SEPTIN8: variants seen among roughly 807,000 people sequenced by gnomAD.
SEPTIN8 encodes septin-8.
Under a neutral mutation model 53.1 loss-of-function variants are expected in SEPTIN8, and 22 were observed. The observed-to-expected ratio is 0.41, with a 90% CI of 0.30 to 0.59. The LOEUF (loss-of-function observed/expected upper bound fraction) is 0.59, where lower values mean the gene tolerates loss of function less well. Among genes scored for constraint, SEPTIN8 ranks in the 20% least tolerant of loss-of-function variants. SEPTIN8 has a pLI of 0.24. For synonymous variants in SEPTIN8, 228 were observed against 248.4 expected (o/e 0.92, Z 0.77); for missense variants, 536 against 638.7 (o/e 0.84, Z 1.73).
chr5:132,776,707 C>T lies in SEPTIN8; in HGVS notation c.30+401G>A, dbSNP rs987363593. Among the ~76,000 whole-genome samples, 1 of 152,202 alleles carries T rather than the reference C, an allele frequency of 6.6e-6. No individual in the cohort carries two copies. Among genetic ancestry groups the T allele is most frequent in the Non-Finnish European group, 1.5e-5 (1 of 68,024 alleles). ...CCCCGGCTGTACCTATCCCGCAGCACCTGTGCGGCTAGGACTCTTCCCCAA... is the reference window on the plus strand; with the variant it reads ...CCCCGGCTGTACCTATCCCGCAGCATCTGTGCGGCTAGGACTCTTCCCCAA... On this transcript the variant is annotated intron_variant, in intron 1 of 9. Coordinates refer to ENST00000378719, the MANE Select transcript of SEPTIN8 (RefSeq NM_001098811.2). This position sits in a 1 kb window ranked among gnomAD's most constrained non-coding sequence, Gnocchi z 4.4.
At chr5:132,766,124 T>G (rs1169292120) in intron 1 of SEPTIN8, among the ~76,000 whole-genome samples, 1 of 152,196 alleles carries the variant, frequency 6.6e-6, no homozygotes, top group African/African-American at 2.4e-5. Flanking sequence ...GTGGGACTCA[T>G]GCATGGACCC....
chr5:132,752,152 C>T lies in SEPTIN8; in HGVS notation c.1316G>A (p.Gly439Asp), dbSNP rs1384341209. ...NRSDIGAHQP[G>D]MSLSSSKVMM... The stretch of plus-strand genomic sequence containing the variant: ...CACCTTAGAGCTGGAGAGGCTCATG[C>T]CCGGCTGGTGTGCTCCTATATCTGA... The change falls in exon 10 of 10, where the codon GGC becomes GAC. Residue 439 changes from glycine to aspartate, a missense_variant. By Grantham distance (94) the Gly-to-Asp change is moderately conservative. Coordinates refer to ENST00000378719, the MANE Select transcript of SEPTIN8 (RefSeq NM_001098811.2). 5 of 1,593,170 alleles carry T rather than the reference C, an allele frequency of 3.1e-6. No homozygotes were observed. Among genetic ancestry groups the T allele is most frequent in the South Asian group, 1.1e-5 (1 of 87,566 alleles).
At chr5:132,772,661 G>A (rs1250500037) in intron 1 of SEPTIN8, among the ~76,000 whole-genome samples, 2 of 152,230 alleles carry the variant, frequency 1.3e-5, no homozygotes, top group African/African-American at 4.8e-5. Context: ...ATGGATGCCA[G>A]TGCTGGAAAG....
chr5:132,766,236 G>A (rs1756581563), intron 1 of SEPTIN8, among the ~76,000 whole-genome samples: 1 of 152,202 alleles, frequency 6.6e-6, no homozygotes, highest in Non-Finnish European at 1.5e-5. Context: ...CTGCCTCAGT[G>A]GTATTCTCTA....
At chr5:132,779,859 C>T (rs543426202), upstream of SEPTIN8, among the ~76,000 whole-genome samples, 14 of 152,022 alleles carry the variant, frequency 9.2e-5, no homozygotes, top group African/African-American at 1.4e-4. Context: ...GTATCACAGA[C>T]GACATTTCTG....
rs1180280053 is a variant in SEPTIN8 at position 132,770,041 on chromosome 5, A to ATG, written c.31-4514_31-4513dup. ...TATATATACACACACATATATATAT[A>ATG]TGTGTGTGTGTGTGTGTGTGTGTAT... is the stretch of plus-strand genomic sequence containing the variant. On this transcript the variant is annotated intron_variant, in intron 1 of 9. Coordinates refer to ENST00000378719, the MANE Select transcript of SEPTIN8 (RefSeq NM_001098811.2). 8.3e-4 allele frequency among the ~76,000 whole-genome samples: 69 copies of ATG among 82,850 alleles called. 1 individual carries two copies. Among genetic ancestry groups the ATG allele is most frequent in the Admixed American group, 1.6e-3 (11 of 6,958 alleles). 54.4% of individuals were successfully genotyped at this position (82,850 alleles called of 152,430 possible).
In SEPTIN8 at chr5:132,762,602, T is replaced by A. The variant is rs779466548; in HGVS notation, c.578A>T (p.Lys193Met). The A allele has an allele frequency of 3.1e-6, 5 of 1,614,250 alleles. No homozygotes were observed. The South Asian group carries it at 5.5e-5, about 18-fold the overall frequency. Residue 193 changes from lysine (K) to methionine (M), a missense_variant, in exon 5 of 10, where the codon AAG (lysine) becomes ATG (methionine). By Grantham distance (95) the Lys-to-Met change is moderately conservative. Coordinates refer to ENST00000378719, the MANE Select transcript of SEPTIN8 (RefSeq NM_001098811.2). ...GATCTTGAACTTGTGGAGCTCGCTC[T>A]TGGAGATGGTGTCAGCCTTGGCGAT... ...PIIAKADTIS[K>M]SELHKFKIKI...
At chr5:132,756,573 A>G in intron 9 of SEPTIN8, 1 of 985,472 alleles carries the variant, frequency 1.0e-6, no homozygotes, top group Non-Finnish European at 1.2e-6. Flanking sequence ...GCAAGTTTTA[A>G]GCTCACTTTA....
At chr5:132,774,993 A>C (rs1404308836) in intron 1 of SEPTIN8, among the ~76,000 whole-genome samples, 2 of 152,296 alleles carry the variant, frequency 1.3e-5, no homozygotes, top group Non-Finnish European at 1.5e-5. Flanking sequence ...TCTCCACCCA[A>C]ATCCAACCCT....
rs536390583 is a variant in SEPTIN8, at chr5:132,771,876, C to T, written c.30+5232G>A. ...TACGGGAAATAACCAAGGAGACATA[C>T]GTGGGAGGGTGGGGGTGGGATGCTG... On this transcript the variant is annotated intron_variant, in intron 1 of 9. Transcript: ENST00000378719. Among the ~76,000 whole-genome samples, 20 of 65,078 alleles carry T rather than the reference C, an allele frequency of 3.1e-4. No homozygotes were observed. In the East Asian group the frequency reaches 4.7e-3, roughly 15 times the overall value. 42.7% of individuals were successfully genotyped at this position (65,078 alleles called of 152,430 possible). A position where few individuals can be genotyped will look rare whatever the true frequency, so the allele number is the denominator to read the frequency against.
rs372948796 is a variant in SEPTIN8 at position 132,764,327 on chromosome 5, G to A, written c.244C>T (p.Arg82Cys). The A allele has an allele frequency of 1.7e-5, 27 of 1,614,082 alleles. No individual in the cohort carries two copies. The highest frequency in any genetic ancestry group is 1.6e-4 in the Middle Eastern group (1 of 6,082). Residue 82 changes from arginine (R) to cysteine (C), a missense_variant, in exon 3 of 10, where the codon CGC (arginine) becomes TGC (cysteine). Around this residue, in one of 3 missense-constraint regions of SEPTIN8, gnomAD observed 395 missense variants for 451.8 expected, o/e 0.87. Coordinates refer to ENST00000378719, the MANE Select transcript of SEPTIN8 (RefSeq NM_001098811.2). ...EEASHHEACV[R>C]LRPQTYDLQE... Reference sequence around the variant, plus strand: ...AGGTCATAGGTCTGGGGCCGCAGGCGCACGCATGCCTCATGGTGACTGGCT... The same window carrying A: ...AGGTCATAGGTCTGGGGCCGCAGGCACACGCATGCCTCATGGTGACTGGCT...
intron 1 of SEPTIN8, among the ~76,000 whole-genome samples, chr5:132,766,625 A>G (rs1355185386): frequency 1.3e-5 from 2 of 152,288 alleles, no homozygotes; most frequent in Non-Finnish European, 2.9e-5. Context: ...TGAGACAGCT[A>G]GAAAGAGGAA....
intron 2 of SEPTIN8, among the ~76,000 whole-genome samples, chr5:132,764,680 T>G (rs941070633): frequency 9.9e-5 from 15 of 152,190 alleles, no homozygotes; most frequent in Non-Finnish European, 1.9e-4. Context: ...TGTGATGTAT[T>G]TCCTCAGGGA....
rs556268195 is a variant in SEPTIN8 at position 132,773,369 on chromosome 5, C to T, written c.30+3739G>A. On this transcript the variant is annotated intron_variant, in intron 1 of 9. Transcript: ENST00000378719. The surrounding 1 kb of genome is among the most constrained non-coding windows in gnomAD (Gnocchi z 4.2). ...ACAGAGGCCAGCTGGCCCTCAGGCC[C>T]TTTGCTCTACCATCCTGCAGCTGCT... 1.2e-3 allele frequency among the ~76,000 whole-genome samples: 184 copies of T among 152,336 alleles called. 3 individuals carry two copies. The Middle Eastern group carries it at 0.02, about 17-fold the overall frequency.
chr5:132,779,242 G>A (rs1757997933), upstream of SEPTIN8, among the ~76,000 whole-genome samples: 1 of 152,110 alleles, frequency 6.6e-6, no homozygotes, highest in South Asian at 2.1e-4. Context: ...TGAATATAAC[G>A]ATCATTTCTC....
At chr5:132,758,170 C>T in intron 9 of SEPTIN8, 1 of 1,063,196 alleles carries the variant, frequency 9.4e-7, no homozygotes, top group Non-Finnish European at 1.1e-6. Context: ...TATTACCCAC[C>T]TCTCCCTGTA....
At chr5:132,757,101 C>T (rs1440880540) in intron 9 of SEPTIN8, 34 of 985,158 alleles carry the variant, frequency 3.5e-5, no homozygotes, top group East Asian at 1.1e-4. Context: ...CAACCAGATA[C>T]GGACTTATTG....
Position 132,763,698 on chromosome 5 carries a change from A to T in SEPTIN8, c.534+8T>A. The T allele has an allele frequency of 6.2e-7, 1 of 1,612,400 alleles. No homozygotes were observed. The highest frequency in any genetic ancestry group is 8.5e-7 in the Non-Finnish European group (1 of 1,178,538). On this transcript the variant is annotated splice_region_variant and intron_variant, in intron 4 of 9. Transcript: ENST00000378719. The stretch of plus-strand genomic sequence containing the variant: ...GGAGCCTGTGACAGCAGGTGGGGAC[A>T]GGGATACCTTGCTGTCTAGTTTCTT...
At chr5:132,768,362 G>C (rs1756843921) in intron 1 of SEPTIN8, among the ~76,000 whole-genome samples, 2 of 152,210 alleles carry the variant, frequency 1.3e-5, no homozygotes, top group Non-Finnish European at 2.9e-5. Flanking sequence ...GGCCCTGATG[G>C]AGGCAGTGTT....
Sources: gnomAD v4.1 joint callset for allele counts (sites outside exome capture counted in the v4.1 genomes callset) on GRCh38, gnomAD v4.1.1 for gene constraint, gnomAD v4.1.1 regional missense constraint, Gnocchi (gnomAD v3.1) non-coding constraint, MANE v1.5 for transcripts, NCBI Gene and HGNC (gene_info 2026-07-23, HGNC 2026-07-21) for gene names.